The following MSH4 variants were observed in gnomAD, a reference collection of about 807,000 sequenced individuals.
MSH4 encodes mutS protein homolog 4.
MSH4 carries 106 observed loss-of-function variants against 113.7 expected under a neutral mutation model. The observed-to-expected ratio is 0.93, with a 90% CI of 0.80 to 1.10. The LOEUF is 1.10. Among genes scored for constraint, MSH4 ranks in the 50% least tolerant of loss-of-function variants. The probability of loss-of-function intolerance (pLI) is 0.00; values close to 1 mark genes in which losing one functional copy is unlikely to be tolerated. For missense variants in MSH4, 1,061 were observed against 1,093.7 expected (o/e 0.97, Z 0.42); for synonymous variants, 368 against 380.2 (o/e 0.97, Z 0.37).
At chr1:75,869,263 G>A (rs1311687173) in intron 9 of MSH4, among the ~76,000 whole-genome samples, 1 of 152,026 alleles carries the variant, frequency 6.6e-6, no homozygotes, top group East Asian at 1.9e-4. Context: ...TGAGAGAGAG[G>A]GTATCCAGGG....
At chr1:75,816,779 AC>A (rs1235495417) in intron 6 of MSH4, among the ~76,000 whole-genome samples, 1 of 152,112 alleles carries the variant, frequency 6.6e-6, no homozygotes, top group Non-Finnish European at 1.5e-5. Context: ...GGCATGTGCC[AC>A]CATGCCTAGC....
At position 75,888,716 on chromosome 1, in the gene MSH4, C is replaced by T. The variant is rs147228834; in HGVS notation, c.2108-535C>T. 2.2e-3 allele frequency among the ~76,000 whole-genome samples: 341 copies of T among 151,930 alleles called. 3 individuals carry two copies. Among genetic ancestry groups the T allele is most frequent in the African/African-American group, 8.0e-3 (333 of 41,444 alleles). On this transcript the variant is annotated intron_variant, in intron 15 of 19. Coordinates refer to ENST00000263187, the MANE Select transcript of MSH4 (RefSeq NM_002440.4). ...ATAATGATTAGATCAGTGTAACTGG[C>T]ATATTATATTCATAAGCTTTATAAG...
intron 8 of MSH4, among the ~76,000 whole-genome samples, chr1:75,865,989 C>G (rs1557515249): frequency 6.6e-6 from 1 of 152,262 alleles, no homozygotes; most frequent in South Asian, 2.1e-4. Context: ...TGTCATAAAT[C>G]GAGTGCCCAT....
At chr1:75,813,626 T>TGGA (rs1234953092) in intron 4 of MSH4, among the ~76,000 whole-genome samples, 1 of 152,244 alleles carries the variant, frequency 6.6e-6, no homozygotes, top group African/African-American at 2.4e-5. Flanking sequence ...GAGCAAGCCA[T>TGGA]GGAGGTATTT....
intron 19 of MSH4, among the ~76,000 whole-genome samples, chr1:75,906,850 T>G (rs1406056098): frequency 2.0e-5 from 3 of 150,758 alleles, no homozygotes; most frequent in Admixed American, 1.3e-4. Flanking sequence ...TCTTTTTTTT[T>G]TGAGATTGAG....
chr1:75,875,550 G>A (rs1233144663), intron 9 of MSH4, among the ~76,000 whole-genome samples: 1 of 152,046 alleles, frequency 6.6e-6, no homozygotes, highest in Non-Finnish European at 1.5e-5. Flanking sequence ...TTCTAAAAGC[G>A]GGCCAGCAAA....
intron 6 of MSH4, among the ~76,000 whole-genome samples, chr1:75,817,465 G>T (rs1242691453): frequency 6.6e-6 from 1 of 152,074 alleles, no homozygotes; most frequent in African/African-American, 2.4e-5. Context: ...TTTATATTCA[G>T]TTTTACCTTG....
intron 8 of MSH4, among the ~76,000 whole-genome samples, chr1:75,851,815 A>G (rs1485094315): frequency 6.6e-6 from 1 of 152,184 alleles, no homozygotes; most frequent in African/African-American, 2.4e-5. Flanking sequence ...TTATTGTAAC[A>G]TGTTTAACTT....
intron 7 of MSH4, among the ~76,000 whole-genome samples, chr1:75,829,237 A>T (rs1175977213): frequency 6.6e-6 from 1 of 152,120 alleles, no homozygotes; most frequent in Non-Finnish European, 1.5e-5. Context: ...AGGCTGGGGG[A>T]TGGGCATCTG....
intron 8 of MSH4, among the ~76,000 whole-genome samples, chr1:75,860,166 G>C (rs1651422955): frequency 6.6e-6 from 1 of 151,968 alleles, no homozygotes; most frequent in Non-Finnish European, 1.5e-5. Context: ...CTTTGCATGT[G>C]TGATGGGTCT....
intron 8 of MSH4, among the ~76,000 whole-genome samples, chr1:75,860,491 G>A (rs564078206): frequency 6.6e-6 from 1 of 152,072 alleles, no homozygotes; most frequent in Non-Finnish European, 1.5e-5. Context: ...TTTGCTTCTC[G>A]CTAAAGGATT....
chr1:75,905,422 G>A (rs954165257), intron 19 of MSH4, among the ~76,000 whole-genome samples: 3 of 151,748 alleles, frequency 2.0e-5, no homozygotes, highest in African/African-American at 7.3e-5. Context: ...ACTTCATAGG[G>A]TTTCGACATT....
intron 1 of MSH4, among the ~76,000 whole-genome samples, chr1:75,801,401 T>A (rs1486782043): frequency 2.0e-5 from 3 of 150,370 alleles, no homozygotes; most frequent in Admixed American, 2.0e-4. Context: ...CCTGTCTCTA[T>A]TAAAAATACA....
chr1:75,839,775 A>G (rs1159797664), intron 7 of MSH4, among the ~76,000 whole-genome samples: 3 of 148,054 alleles, frequency 2.0e-5, no homozygotes, highest in Admixed American at 1.4e-4. Flanking sequence ...CTCATCTGAC[A>G]AAGGGCTAAT....
chr1:75,899,763 AT>A (rs2100589734), intron 19 of MSH4, 57 bp downstream of exon 19: 1 of 833,196 alleles, frequency 1.2e-6, no homozygotes, highest in South Asian at 2.4e-5. Flanking sequence ...TTTAGTGTAG[AT>A]TTTTATTATG....
intron 16 of MSH4, 24 bp downstream of exon 16, chr1:75,889,393 T>C (rs1485235067): frequency 3.8e-6 from 4 of 1,051,116 alleles, no homozygotes; most frequent in Admixed American, 2.4e-5. Flanking sequence ...ACTTTTCTTA[T>C]GTTAAAAACA....
intron 19 of MSH4, among the ~76,000 whole-genome samples, chr1:75,904,076 G>A (rs1301971714): frequency 6.6e-6 from 1 of 152,262 alleles, no homozygotes; most frequent in South Asian, 2.1e-4. Flanking sequence ...TGTCATAAAG[G>A]AATGTTGAAT....
chr1:75,852,213 A>G (rs1362888086), intron 8 of MSH4, among the ~76,000 whole-genome samples: 2 of 152,154 alleles, frequency 1.3e-5, no homozygotes, highest in African/African-American at 2.4e-5. Context: ...ATTTATCAAT[A>G]CTTTATTCTT....
Position 75,899,702 on chromosome 1 carries a change from T to G in MSH4, c.2615T>G (p.Ile872Ser). The change falls in exon 19 of 20, where the codon ATT becomes AGT. Residue 872 changes from isoleucine (I) to serine (S), a missense_variant. Transcript: ENST00000263187. ...KEITTQITRQ[I>S]LQNQRSTPEM... ...ATCACAACTCAAATTACGAGACAAA[T>G]TTTGGTAAGAAACTTTGTTCTTATT... 6.7e-7 allele frequency: 1 copy of G among 1,490,036 alleles called. No homozygotes were observed. The highest frequency in any genetic ancestry group is 8.9e-7 in the Non-Finnish European group (1 of 1,125,670). The allele number at this position is 1,490,036 out of a possible 1,614,324, so 92.3% of individuals were successfully genotyped here. A position where few individuals can be genotyped will look rare whatever the true frequency, so the allele number is the denominator to read the frequency against.
Sources: allele counts gnomAD v4.1 joint callset (sites outside exome capture counted in the v4.1 genomes callset), GRCh38; gene constraint gnomAD v4.1.1; transcripts MANE v1.5; gene names NCBI Gene and HGNC (gene_info 2026-07-23, HGNC 2026-07-21).